CDH7: variants seen among roughly 807,000 people sequenced by gnomAD.
CDH7 encodes the protein cadherin-7.
A neutral mutation model predicts 71.8 loss-of-function variants in CDH7; 25 were observed. That is an observed-to-expected ratio of 0.35 (90% CI 0.25 to 0.49). The LOEUF (loss-of-function observed/expected upper bound fraction) is 0.49, where lower values mean the gene tolerates loss of function less well. Ranked by LOEUF, CDH7 falls within the 20% of genes least tolerant of loss-of-function variation. The pLI is 0.99. For synonymous variants in CDH7, 381 were observed against 363.8 expected (o/e 1.05, Z -0.54); for missense variants, 862 against 974.6 (o/e 0.88, Z 1.54).
At chr18:65,758,576 A>G (rs748249928) in intron 1 of CDH7, among the ~76,000 whole-genome samples, 27 of 152,340 alleles carry the variant, frequency 1.8e-4, no homozygotes, top group Admixed American at 1.2e-3. Context: ...CTCAAAAAAG[A>G]AAATTTCGTC....
intron 11 of CDH7, among the ~76,000 whole-genome samples, chr18:65,874,644 C>A (rs1914021375): frequency 6.6e-6 from 1 of 152,062 alleles, no homozygotes; most frequent in Non-Finnish European, 1.5e-5. Context: ...GTAAAAAAAT[C>A]TGCACTTCTA....
At chr18:65,856,818 G>A (rs1345786206) in intron 7 of CDH7, among the ~76,000 whole-genome samples, 1 of 151,806 alleles carries the variant, frequency 6.6e-6, no homozygotes, top group Non-Finnish European at 1.5e-5. Context: ...ATGAGGGGAG[G>A]GTAAATTTTG....
chr18:65,849,319 T>G (rs756088518), intron 7 of CDH7, among the ~76,000 whole-genome samples: 4 of 149,336 alleles, frequency 2.7e-5, no homozygotes, highest in Non-Finnish European at 5.9e-5. Context: ...AGGAAATGCC[T>G]AATTTATTTT....
chr18:65,837,541 G>A (rs533301293), intron 6 of CDH7, among the ~76,000 whole-genome samples: 1 of 152,212 alleles, frequency 6.6e-6, no homozygotes, highest in East Asian at 1.9e-4. Context: ...GATGGCTTTG[G>A]GGCCCTTGAG....
chr18:65,843,289 G>GCCATGTTT (rs1406319294), intron 6 of CDH7, among the ~76,000 whole-genome samples: 1 of 152,120 alleles, frequency 6.6e-6, no homozygotes, highest in Admixed American at 6.5e-5. Flanking sequence ...AGAAGAACTG[G>GCCATGTTT]CCATGTTTGC....
intron 6 of CDH7, among the ~76,000 whole-genome samples, chr18:65,832,224 A>G (rs1286026763): frequency 2.8e-5 from 4 of 140,892 alleles, no homozygotes; most frequent in Non-Finnish European, 6.3e-5. Context: ...CTATTATATT[A>G]TATGTATAAT....
chr18:65,884,047 G>C lies in CDH7; in HGVS notation c.*3153G>C, dbSNP rs1248218932. 10 of 151,982 alleles carry C rather than the reference G, an allele frequency of 6.6e-5. No individual in the cohort carries two copies. The highest frequency in any genetic ancestry group is 2.9e-5 in the Non-Finnish European group (2 of 67,954). 9.4% of individuals were successfully genotyped at this position (151,982 alleles called of 1,614,324 possible). A position where few individuals can be genotyped will look rare whatever the true frequency, so the allele number is the denominator to read the frequency against. On this transcript the variant is annotated 3_prime_UTR_variant, in exon 12 of 12. Coordinates refer to ENST00000397968, the MANE Select transcript of CDH7 (RefSeq NM_004361.5). ...GGGTTTGCCAAATTATGCCCATTTT[G>C]AACAGTTTAATTTATTGAAAAATCA...
At chr18:65,857,395 T>A (rs1913404402) in intron 7 of CDH7, among the ~76,000 whole-genome samples, 1 of 150,678 alleles carries the variant, frequency 6.6e-6, no homozygotes, top group East Asian at 1.9e-4. Flanking sequence ...ATGCCTCTAG[T>A]CCTAGCTACT....
At chr18:65,795,127 A>G (rs2143867491) in intron 2 of CDH7, among the ~76,000 whole-genome samples, 1 of 152,292 alleles carries the variant, frequency 6.6e-6, no homozygotes, top group East Asian at 1.9e-4. Context: ...GAAATTTTCC[A>G]TCATGATTTC....
intron 2 of CDH7, among the ~76,000 whole-genome samples, chr18:65,799,400 G>A (rs567699745): frequency 6.6e-5 from 10 of 152,202 alleles, no homozygotes; most frequent in South Asian, 4.1e-4. Flanking sequence ...AATCCTGGCC[G>A]GGTGCGGTGG....
chr18:65,751,333 G>T (rs1915868892), intron 1 of CDH7, among the ~76,000 whole-genome samples, 183 bp downstream of exon 1: 1 of 152,256 alleles, frequency 6.6e-6, no homozygotes, highest in Non-Finnish European at 1.5e-5. Context: ...TGCAAGGCAG[G>T]ACAGGCTTGT....
intron 7 of CDH7, among the ~76,000 whole-genome samples, chr18:65,846,689 T>G (rs1912946588): frequency 6.6e-6 from 1 of 152,198 alleles, no homozygotes; most frequent in African/African-American, 2.4e-5. Context: ...TCACGCATTC[T>G]CTGGAAGACT....
intron 1 of CDH7, among the ~76,000 whole-genome samples, chr18:65,757,936 G>A (rs1367481082): frequency 6.6e-6 from 1 of 152,076 alleles, no homozygotes; most frequent in African/African-American, 2.4e-5. Context: ...TAGGAAAGGA[G>A]GTGGAAGATA....
rs1914255792 is a variant in CDH7, at chr18:65,882,356, G to A, written c.*1462G>A. 1 of 152,096 alleles carries A rather than the reference G, an allele frequency of 6.6e-6. No homozygotes were observed. Among genetic ancestry groups the A allele is most frequent in the African/African-American group, 2.4e-5 (1 of 41,426 alleles). 9.4% of individuals were successfully genotyped at this position (152,096 alleles called of 1,614,324 possible). A position where few individuals can be genotyped will look rare whatever the true frequency, so the allele number is the denominator to read the frequency against. On this transcript the variant is annotated 3_prime_UTR_variant, in exon 12 of 12. Transcript: ENST00000397968. Reference sequence around the variant, plus strand: ...TAGTTTAATGTGCATATACATTCAAGTAAGAATGGATTTATTTTTTCCTTC... The same window carrying A: ...TAGTTTAATGTGCATATACATTCAAATAAGAATGGATTTATTTTTTCCTTC...
At chr18:65,792,877 G>A (rs962987920) in intron 2 of CDH7, among the ~76,000 whole-genome samples, 4 of 152,102 alleles carry the variant, frequency 2.6e-5, no homozygotes, top group Non-Finnish European at 5.9e-5. Flanking sequence ...AGCGGGCAGT[G>A]CAGTACAGCA....
chr18:65,776,913 C>T (rs1245072481), intron 2 of CDH7, among the ~76,000 whole-genome samples: 1 of 152,170 alleles, frequency 6.6e-6, no homozygotes, highest in African/African-American at 2.4e-5. Context: ...ATATAATTTA[C>T]ATACTTCTAT....
At position 65,889,476 on chromosome 18, in the gene CDH7, T is replaced by G. The variant is rs1914452509; in HGVS notation, c.*8582T>G. On this transcript the variant is annotated 3_prime_UTR_variant, in exon 12 of 12. Transcript: ENST00000397968. ...CTCCCATAAATCATTTTAAACCAAATATGAATTAGTAGTCAAAAATGACCA... is the reference window on the plus strand; with the variant it reads ...CTCCCATAAATCATTTTAAACCAAAGATGAATTAGTAGTCAAAAATGACCA... 1 of 152,048 alleles carries G rather than the reference T, an allele frequency of 6.6e-6. No homozygotes were observed. The highest frequency in any genetic ancestry group is 2.1e-4 in the South Asian group (1 of 4,828). The allele number at this position is 152,048 out of a possible 1,614,324, so 9.4% of individuals were successfully genotyped here.
Position 65,885,372 on chromosome 18 carries a change from G to GTGTT in CDH7, c.*4479_*4480insGTTT, listed in dbSNP as rs1914342122. The GTGTT allele has an allele frequency of 1.4e-5, 1 of 69,436 alleles. No homozygotes were observed. The highest frequency in any genetic ancestry group is 5.2e-5 in the African/African-American group (1 of 19,180). The allele number at this position is 69,436 out of a possible 1,614,324, so 4.3% of individuals were successfully genotyped here. A position where few individuals can be genotyped will look rare whatever the true frequency, so the allele number is the denominator to read the frequency against. Reference sequence around the variant, plus strand: ...GTAACTGAAAAGGATGTGTGCCTGTGTTTTTTTTTTTTTTTTTTTTTTTGA... The same window carrying GTGTT: ...GTAACTGAAAAGGATGTGTGCCTGTGTGTTTTTTTTTTTTTTTTTTTTTTTTTGA... On this transcript the variant is annotated 3_prime_UTR_variant, in exon 12 of 12. Transcript: ENST00000397968.
In CDH7 at chr18:65,880,704, G is replaced by A; in HGVS notation, c.2168G>A (p.Gly723Asp). The A allele has an allele frequency of 4.3e-6, 7 of 1,614,028 alleles. No individual in the cohort carries two copies. The highest frequency in any genetic ancestry group is 5.9e-6 in the Non-Finnish European group (7 of 1,179,990). Reference sequence around the variant, plus strand: ...TTAAAAGAAGCCGATGTTGATCCTGGTGCTCCTCCTTATGACTCCCTGCAG... The same window carrying A: ...TTAAAAGAAGCCGATGTTGATCCTGATGCTCCTCCTTATGACTCCCTGCAG... ...ERLKEADVDP[G>D]APPYDSLQTY... The change falls in exon 12 of 12, where the codon GGT becomes GAT. Residue 723 changes from glycine (G) to aspartate (D), a missense_variant. Transcript: ENST00000397968.
Sources: allele counts gnomAD v4.1 joint callset (sites outside exome capture counted in the v4.1 genomes callset), GRCh38; gene constraint gnomAD v4.1.1; transcripts MANE v1.5; gene names NCBI Gene and HGNC (gene_info 2026-07-23, HGNC 2026-07-21).